ONECUT3: variants seen among roughly 807,000 people sequenced by gnomAD.
The protein encoded by ONECUT3 is one cut homeobox 3.
In ONECUT3, 11 loss-of-function variants were observed where a neutral mutation model predicts 16.8. The observed-to-expected ratio is 0.66, with a 90% confidence interval of 0.41 to 1.09. The LOEUF (loss-of-function observed/expected upper bound fraction) is 1.09, where lower values mean the gene tolerates loss of function less well. Ranked by LOEUF, ONECUT3 falls within the 50% of genes least tolerant of loss-of-function variation. ONECUT3 has a pLI of 0.00. For synonymous variants in ONECUT3, 344 were observed against 310.7 expected, an observed-to-expected ratio of 1.11 and a Z score of -1.13; for missense variants, 637 against 629.9, an observed-to-expected ratio of 1.01 and a Z score of -0.12.
chr19:1,772,751 T>A (rs1254562603), intron 1 of ONECUT3, among the ~76,000 whole-genome samples: 1 of 132,420 alleles, frequency 7.6e-6, no homozygotes, highest in East Asian at 2.5e-4. Context: ...TGAAATGCAA[T>A]GGCACGATCT....
At position 1,755,654 on chromosome 19, in the gene ONECUT3, T is replaced by G. The variant is rs2067912827; in HGVS notation, c.1192+800T>G. Among the ~76,000 whole-genome samples the G allele has an allele frequency of 6.6e-6, 1 of 152,210 alleles. No homozygotes were observed. The highest frequency in any genetic ancestry group is 2.1e-4 in the South Asian group (1 of 4,832). On this transcript the variant is annotated intron_variant, in intron 1 of 1. Transcript: ENST00000382349. This position sits in a 1 kb window ranked among gnomAD's most constrained non-coding sequence, Gnocchi z 7.5. ...CTCTCATGTCCACTTCTCTCCTCTC[T>G]CGGTCGGAACACACTGGTATCTCTA...
In ONECUT3 at chr19:1,764,485, G is replaced by A. The variant is rs1418584294; in HGVS notation, c.1192+9631G>A. Among the ~76,000 whole-genome samples the A allele has an allele frequency of 6.6e-6, 1 of 152,212 alleles. No homozygotes were observed. The highest frequency in any genetic ancestry group is 1.5e-5 in the Non-Finnish European group (1 of 68,036). On this transcript the variant is annotated intron_variant, in intron 1 of 1. Coordinates refer to ENST00000382349, the MANE Select transcript of ONECUT3 (RefSeq NM_001080488.2). The surrounding 1 kb of genome is among the most constrained non-coding windows in gnomAD (Gnocchi z 5.0). Reference sequence around the variant, plus strand: ...GAGGCTGGGCGCCTGCTGAGGCCAAGGTGGGCTCCGCGTGAGATGTGGGCA... The same window carrying A: ...GAGGCTGGGCGCCTGCTGAGGCCAAAGTGGGCTCCGCGTGAGATGTGGGCA...
intron 1 of ONECUT3, among the ~76,000 whole-genome samples, chr19:1,763,382 A>AATAAAAAAAAAAT (rs2067957707): frequency 7.6e-6 from 1 of 131,224 alleles, no homozygotes; most frequent in Admixed American, 7.6e-5. Flanking sequence ...AAAAAAAAAA[A>AATAAAAAAAAAAT]AAAAAAAAAA....
In ONECUT3 at chr19:1,755,940, C is replaced by G. The variant is rs772228289; in HGVS notation, c.1192+1086C>G. Among the ~76,000 whole-genome samples, 4 of 152,096 alleles carry G rather than the reference C, an allele frequency of 2.6e-5. No homozygotes were observed. The highest frequency in any genetic ancestry group is 6.5e-5 in the Admixed American group (1 of 15,280). ...GTGGGGGTTTCTTTCCCTGGTGGTG[C>G]TGGGGAGGGGGCTGTCCACCCGGGC... On this transcript the variant is annotated intron_variant, in intron 1 of 1. Transcript: ENST00000382349. The surrounding 1 kb of genome is among the most constrained non-coding windows in gnomAD (Gnocchi z 7.5).
In ONECUT3 at chr19:1,754,573, G is replaced by A. The variant is rs1299763929; in HGVS notation, c.911G>A (p.Gly304Asp). ...GAHGPHGGGG[G>D]PGGSGGGPSA... ...CACGGGCCGCACGGGGGAGGCGGCG[G>A]CCCCGGCGGGAGCGGCGGCGGCCCC... The change falls in exon 1 of 2, where the codon GGC (glycine) becomes GAC (aspartate). Residue 304 changes from glycine to aspartate, a missense_variant. Around this residue, in one of 3 missense-constraint regions of ONECUT3, gnomAD observed 419 missense variants for 377.9 expected, o/e 1.11. Coordinates refer to ENST00000382349, the MANE Select transcript of ONECUT3 (RefSeq NM_001080488.2). The surrounding 1 kb of genome is among the most constrained non-coding windows in gnomAD (Gnocchi z 7.4). 12 of 1,191,584 alleles carry A rather than the reference G, an allele frequency of 1.0e-5. No homozygotes were observed. The South Asian group carries it at 1.9e-4, about 19-fold the overall frequency. 73.8% of individuals were successfully genotyped at this position (1,191,584 alleles called of 1,614,324 possible).
rs35077722 is a variant in ONECUT3, at chr19:1,763,732, G to GTTT, written c.1192+8892_1192+8894dup. The stretch of plus-strand genomic sequence containing the variant: ...TAAATTCTTTTTATTTCCCTTTTTT[G>GTTT]TTTTTTTTTTTTTTTTAACAGAAAG... On this transcript the variant is annotated intron_variant, in intron 1 of 1. Transcript: ENST00000382349. Among the ~76,000 whole-genome samples the GTTT allele has an allele frequency of 9.7e-3, 1,302 of 134,516 alleles. 17 individuals carry two copies. Among genetic ancestry groups the GTTT allele is most frequent in the Middle Eastern group, 0.023 (6 of 266 alleles). The allele number at this position is 134,516 out of a possible 152,430, so 88.2% of individuals were successfully genotyped here.
rs1182528352 is a variant in ONECUT3, at chr19:1,759,314, C to A, written c.1192+4460C>A. Reference sequence around the variant, plus strand: ...TCTTCCCCACCCAGGCTCATACAGGCCCTCCCTCCCCGGCTTCTCCCCCCT... The same window carrying A: ...TCTTCCCCACCCAGGCTCATACAGGACCTCCCTCCCCGGCTTCTCCCCCCT... On this transcript the variant is annotated intron_variant, in intron 1 of 1. Transcript: ENST00000382349. This position sits in a 1 kb window ranked among gnomAD's most constrained non-coding sequence, Gnocchi z 4.1. Among the ~76,000 whole-genome samples the A allele has an allele frequency of 6.6e-6, 1 of 151,998 alleles. No homozygotes were observed. The highest frequency in any genetic ancestry group is 1.5e-5 in the Non-Finnish European group (1 of 67,992).
At chr19:1,765,528 G>T (rs543062435) in intron 1 of ONECUT3, among the ~76,000 whole-genome samples, 2 of 152,158 alleles carry the variant, frequency 1.3e-5, no homozygotes, top group African/African-American at 4.8e-5. Flanking sequence ...CCAGGCAGCC[G>T]CCGCTTCACG....
At chr19:1,760,167 G>T (rs926822003) in intron 1 of ONECUT3, among the ~76,000 whole-genome samples, 1 of 152,220 alleles carries the variant, frequency 6.6e-6, no homozygotes, top group Non-Finnish European at 1.5e-5. Flanking sequence ...AGCTGAGGCC[G>T]AAGAGAAAGG....
chr19:1,775,662 A>C lies in ONECUT3; in HGVS notation c.*217A>C, dbSNP rs1600365487. The C allele has an allele frequency of 7.4e-6, 3 of 407,664 alleles. No homozygotes were observed. Among genetic ancestry groups the C allele is most frequent in the Non-Finnish European group, 1.3e-5 (3 of 234,822 alleles). 25.3% of individuals were successfully genotyped at this position (407,664 alleles called of 1,614,324 possible). On this transcript the variant is annotated 3_prime_UTR_variant, in exon 2 of 2. Transcript: ENST00000382349. ...TCCTCCCTCCATGCCCACTCCCTCC[A>C]GGCCAAAGGAAGCCCTCCACCCCCC...
rs12460979 is a variant in ONECUT3, at chr19:1,777,857, A to T, written c.*2412A>T. 0.29 allele frequency: 44,663 copies of T among 151,626 alleles called. 7,077 individuals are homozygous for T. The highest frequency in any genetic ancestry group is 0.44 in the East Asian group (2,258 of 5,134). 9.4% of individuals were successfully genotyped at this position (151,626 alleles called of 1,614,324 possible). A position where few individuals can be genotyped will look rare whatever the true frequency, so the allele number is the denominator to read the frequency against. ...AAAATACAAAAAAATTAGCTGGGCGAGGTGGCAGGCACCTGTAATCCCAGC... is the reference window on the plus strand; with the variant it reads ...AAAATACAAAAAAATTAGCTGGGCGTGGTGGCAGGCACCTGTAATCCCAGC... On this transcript the variant is annotated 3_prime_UTR_variant, in exon 2 of 2. Transcript: ENST00000382349.
At chr19:1,761,360 C>G (rs966263962) in intron 1 of ONECUT3, among the ~76,000 whole-genome samples, 1 of 152,190 alleles carries the variant, frequency 6.6e-6, no homozygotes, top group Non-Finnish European at 1.5e-5. Context: ...GCCTTCTCCT[C>G]CTTCTCACTG....
In ONECUT3 at chr19:1,754,004, G is replaced by A; in HGVS notation, c.342G>A (p.Leu114=). ...CGACGCTCACGCCCCTGCAGCACCTGCCGCCGCTCGCGGCCGTGGCCGACA... is the reference window on the plus strand; with the variant it reads ...CGACGCTCACGCCCCTGCAGCACCTACCGCCGCTCGCGGCCGTGGCCGACA... ...TYTTLTPLQH[L]PPLAAVADKF... The change falls in exon 1 of 2, where the codon CTG becomes CTA. Residue 114 remains leucine (L), a synonymous_variant. Coordinates refer to ENST00000382349, the MANE Select transcript of ONECUT3 (RefSeq NM_001080488.2). The surrounding 1 kb of genome is among the most constrained non-coding windows in gnomAD (Gnocchi z 7.4). 1 of 993,900 alleles carries A rather than the reference G, an allele frequency of 1.0e-6. No homozygotes were observed. Among genetic ancestry groups the A allele is most frequent in the Non-Finnish European group, 1.2e-6 (1 of 836,922 alleles). The allele number at this position is 993,900 out of a possible 1,614,324, so 61.6% of individuals were successfully genotyped here. A position where few individuals can be genotyped will look rare whatever the true frequency, so the allele number is the denominator to read the frequency against.
In ONECUT3 at chr19:1,776,594, G is replaced by C. The variant is rs2068110858; in HGVS notation, c.*1149G>C. The C allele has an allele frequency of 1.3e-5, 2 of 152,112 alleles. No individual in the cohort carries two copies. Among genetic ancestry groups the C allele is most frequent in the Non-Finnish European group, 1.5e-5 (1 of 68,024 alleles). 9.4% of individuals were successfully genotyped at this position (152,112 alleles called of 1,614,324 possible). A position where few individuals can be genotyped will look rare whatever the true frequency, so the allele number is the denominator to read the frequency against. The stretch of plus-strand genomic sequence containing the variant: ...TTTTGCCAAAAATATTTACAAATGG[G>C]AAGGGTCGGAAATGAAGATGAGCGC... On this transcript the variant is annotated 3_prime_UTR_variant, in exon 2 of 2. Transcript: ENST00000382349. The surrounding 1 kb of genome is among the most constrained non-coding windows in gnomAD (Gnocchi z 4.9).
chr19:1,761,606 G>A (rs10421079), intron 1 of ONECUT3, among the ~76,000 whole-genome samples: 5,252 of 152,324 alleles, frequency 0.034, 307 homozygotes, highest in African/African-American at 0.12. Flanking sequence ...TTAGGAGGGA[G>A]GCTGAGCCGG....
intron 1 of ONECUT3, among the ~76,000 whole-genome samples, chr19:1,765,965 C>A (rs1386903003): frequency 2.0e-5 from 3 of 152,256 alleles, no homozygotes; most frequent in African/African-American, 7.2e-5. Context: ...CTCACGTCCA[C>A]ACCGCGAGCC....
chr19:1,772,728 T>C (rs2068067192), intron 1 of ONECUT3, among the ~76,000 whole-genome samples: 1 of 140,280 alleles, frequency 7.1e-6, no homozygotes, highest in East Asian at 2.3e-4. Flanking sequence ...AGTTTCACTC[T>C]TGTTGCCCAG....
chr19:1,762,822 G>A lies in ONECUT3; in HGVS notation c.1192+7968G>A, dbSNP rs1361473797. Among the ~76,000 whole-genome samples, 1 of 152,134 alleles carries A rather than the reference G, an allele frequency of 6.6e-6. No homozygotes were observed. The highest frequency in any genetic ancestry group is 1.5e-5 in the Non-Finnish European group (1 of 68,018). ...CCTTGTCTGGCGCCCCAGAACCGCG[G>A]CCGTCCTGGGTGCGCTCAGCTCCAG... On this transcript the variant is annotated intron_variant, in intron 1 of 1. Coordinates refer to ENST00000382349, the MANE Select transcript of ONECUT3 (RefSeq NM_001080488.2). The surrounding 1 kb of genome is among the most constrained non-coding windows in gnomAD (Gnocchi z 4.4).
chr19:1,778,889 C>CACACACACACACACACACACAT lies in ONECUT3; in HGVS notation c.*3465_*3466insTACACACACACACACACACACA, dbSNP rs1568606173. 5 of 150,878 alleles carry CACACACACACACACACACACAT rather than the reference C, an allele frequency of 3.3e-5. No individual in the cohort carries two copies. The highest frequency in any genetic ancestry group is 1.2e-4 in the African/African-American group (5 of 40,656). The allele number at this position is 150,878 out of a possible 1,614,324, so 9.3% of individuals were successfully genotyped here. A position where few individuals can be genotyped will look rare whatever the true frequency, so the allele number is the denominator to read the frequency against. On this transcript the variant is annotated 3_prime_UTR_variant, in exon 2 of 2. Coordinates refer to ENST00000382349, the MANE Select transcript of ONECUT3 (RefSeq NM_001080488.2). ...TATCACACACACACACACACACACACACACACACACACACACACACACACC... is the reference window on the plus strand; with the variant it reads ...TATCACACACACACACACACACACACACACACACACACACACACACATACACACACACACACACACACACACC...
Sources: gnomAD v4.1 joint callset for allele counts (sites outside exome capture counted in the v4.1 genomes callset) on GRCh38, gnomAD v4.1.1 for gene constraint, gnomAD v4.1.1 regional missense constraint, Gnocchi (gnomAD v3.1) non-coding constraint, MANE v1.5 for transcripts, NCBI Gene and HGNC (gene_info 2026-07-23, HGNC 2026-07-21) for gene names.